Variants in KCNN2 observed in about 807,000 individuals in gnomAD.
KCNN2 encodes small conductance calcium-activated potassium channel protein 2.
Under a neutral mutation model 55.5 loss-of-function variants are expected in KCNN2, and 24 were observed. That is an observed-to-expected ratio of 0.43 (90% CI 0.31 to 0.61). KCNN2 has a LOEUF of 0.61. Ranked by LOEUF, KCNN2 falls within the 20% of genes least tolerant of loss-of-function variation. KCNN2 has a pLI of 0.08. For missense variants in KCNN2, 754 were observed against 853.6 expected, an observed-to-expected ratio of 0.88 and a Z score of 1.45; for synonymous variants, 431 against 336.1, an observed-to-expected ratio of 1.28 and a Z score of -3.09.
intron 1 of KCNN2, among the ~76,000 whole-genome samples, chr5:114,092,553 G>C (rs947917129): frequency 6.6e-6 from 1 of 152,120 alleles, no homozygotes. Context: ...TTTCTGTGGG[G>C]GCTCTGACCC....
chr5:114,237,982 T>C (rs372414246), intron 2 of KCNN2, among the ~76,000 whole-genome samples: 5 of 152,202 alleles, frequency 3.3e-5, no homozygotes, highest in East Asian at 1.9e-4. Flanking sequence ...GAAGTGACAC[T>C]TGAGCTCACA....
At chr5:114,154,350 C>G (rs1449654724) in intron 1 of KCNN2, among the ~76,000 whole-genome samples, 1 of 152,066 alleles carries the variant, frequency 6.6e-6, no homozygotes, top group Non-Finnish European at 1.5e-5. Context: ...AGTATAGCCT[C>G]TCTTTTGATA....
chr5:114,081,667 T>C (rs1170085486), intron 1 of KCNN2, among the ~76,000 whole-genome samples: 1 of 152,152 alleles, frequency 6.6e-6, no homozygotes, highest in African/African-American at 2.4e-5. Flanking sequence ...CCTAAAACTC[T>C]TAGAAGAAAA....
chr5:114,378,066 G>A (rs1438547098), intron 2 of KCNN2, among the ~76,000 whole-genome samples: 2 of 152,222 alleles, frequency 1.3e-5, no homozygotes, highest in Admixed American at 6.5e-5. Context: ...TCGTAAGAGG[G>A]ACATTGGGCA....
rs750647206 is a variant in KCNN2, at chr5:114,493,396, C to G, written c.2019-7C>G. 2 of 1,550,042 alleles carry G rather than the reference C, an allele frequency of 1.3e-6. No individual in the cohort carries two copies. Among genetic ancestry groups the G allele is most frequent in the Admixed American group, 1.7e-5 (1 of 59,910 alleles). ...GAACCTTTCTGATACCAGATTCTATCTTTTAGATTAAGAAGTGTAAAAATG... is the reference window on the plus strand; with the variant it reads ...GAACCTTTCTGATACCAGATTCTATGTTTTAGATTAAGAAGTGTAAAAATG... On this transcript the variant is annotated splice_polypyrimidine_tract_variant and splice_region_variant and intron_variant, in intron 6 of 7. Transcript: ENST00000673685.
intron 2 of KCNN2, among the ~76,000 whole-genome samples, chr5:114,240,028 G>A (rs994117476): frequency 6.6e-6 from 1 of 152,028 alleles, no homozygotes; most frequent in Non-Finnish European, 1.5e-5. Flanking sequence ...TTCATTTTAA[G>A]AAACCGCCAT....
In KCNN2 at chr5:114,453,300, C is replaced by T. The variant is rs1190375954; in HGVS notation, c.1638-9749C>T. ...CCAGATTTTTCATCCCTCCCCTGTA[C>T]AAAACAAGAGATGCATTGCCTACCT... is the stretch of plus-strand genomic sequence containing the variant. On this transcript the variant is annotated intron_variant, in intron 3 of 7. Transcript: ENST00000673685. 2.0e-5 allele frequency among the ~76,000 whole-genome samples: 3 copies of T among 152,180 alleles called. No homozygotes were observed. In the East Asian group the frequency reaches 5.8e-4, roughly 29 times the overall value.
intron 1 of KCNN2, among the ~76,000 whole-genome samples, chr5:114,143,819 G>A (rs1436128267): frequency 1.3e-5 from 2 of 152,162 alleles, no homozygotes; most frequent in South Asian, 2.1e-4. Context: ...GTTTCAGGGG[G>A]TCTCCCTACA....
chr5:114,211,011 A>T (rs937148377), intron 1 of KCNN2, among the ~76,000 whole-genome samples: 1 of 152,148 alleles, frequency 6.6e-6, no homozygotes, highest in Non-Finnish European at 1.5e-5. Flanking sequence ...AAACAACAAG[A>T]TACCATTTCA....
chr5:114,163,076 C>T (rs1752825659), intron 1 of KCNN2, among the ~76,000 whole-genome samples: 1 of 152,166 alleles, frequency 6.6e-6, no homozygotes, highest in African/African-American at 2.4e-5. Context: ...GCAGAAATCA[C>T]CCGTCTTCTG....
intron 2 of KCNN2, among the ~76,000 whole-genome samples, chr5:114,231,972 T>C (rs1250713372): frequency 1.3e-5 from 2 of 150,504 alleles, no homozygotes; most frequent in South Asian, 2.1e-4. Flanking sequence ...TTTAAATGAA[T>C]TGAATTCAAA....
intron 5 of KCNN2, 179 bp downstream of exon 5, chr5:114,473,343 A>T: frequency 1.7e-6 from 1 of 590,210 alleles, no homozygotes; most frequent in East Asian, 2.8e-5. Flanking sequence ...CCTTGAGGTC[A>T]GTTAGGAAGT....
At chr5:114,056,201 T>TCGCCCG (rs1052785134) in exon 1 of KCNN2, 12 of 394,928 alleles carry the variant, frequency 3.0e-5, no homozygotes, top group African/African-American at 6.2e-5. Flanking sequence ...GGGGCCTGGC[T>TCGCCCG]CGCCCGCGCC....
chr5:114,137,283 A>G (rs1358310576), intron 1 of KCNN2, among the ~76,000 whole-genome samples: 1 of 152,162 alleles, frequency 6.6e-6, no homozygotes, highest in African/African-American at 2.4e-5. Context: ...TAGTCAACCC[A>G]TTCCCATCCT....
chr5:114,312,391 A>C, intron 2 of KCNN2, among the ~76,000 whole-genome samples: 1 of 33,940 alleles, frequency 2.9e-5, no homozygotes, highest in Non-Finnish European at 5.6e-5. Context: ...GGAGATACAC[A>C]CACACACACA....
At chr5:114,206,499 C>G (rs1163044176) in intron 1 of KCNN2, among the ~76,000 whole-genome samples, 1 of 152,086 alleles carries the variant, frequency 6.6e-6, no homozygotes, top group Non-Finnish European at 1.5e-5. Context: ...ATTTCTCTTT[C>G]TCCTCATATT....
chr5:114,170,209 C>T (rs1357537345), intron 1 of KCNN2, among the ~76,000 whole-genome samples: 1 of 152,034 alleles, frequency 6.6e-6, no homozygotes, highest in East Asian at 1.9e-4. Context: ...CATTTTTGGC[C>T]ATATTCTTCA....
At chr5:114,324,954 CTG>C (rs1756687487) in intron 2 of KCNN2, among the ~76,000 whole-genome samples, 1 of 152,100 alleles carries the variant, frequency 6.6e-6, no homozygotes, top group Non-Finnish European at 1.5e-5. Flanking sequence ...CATGAACAGA[CTG>C]TTAGTAAAAA....
intron 2 of KCNN2, among the ~76,000 whole-genome samples, chr5:114,315,449 G>A (rs1212420869): frequency 8.9e-6 from 1 of 112,340 alleles, no homozygotes; most frequent in Non-Finnish European, 1.8e-5. Flanking sequence ...GTGTGTGTGT[G>A]TGTGTGTGTG....
Sources: gnomAD v4.1 joint callset for allele counts (sites outside exome capture counted in the v4.1 genomes callset) on GRCh38, gnomAD v4.1.1 for gene constraint, MANE v1.5 for transcripts, NCBI Gene and HGNC (gene_info 2026-07-23, HGNC 2026-07-21) for gene names.